USH2A: variants seen among roughly 807,000 people sequenced by gnomAD.
USH2A encodes usherin, also known as Usher syndrome 2A (autosomal recessive, mild).
A neutral mutation model predicts 538.9 loss-of-function variants in USH2A; 443 were observed. That is an observed-to-expected ratio of 0.82 (90% CI 0.76 to 0.89). USH2A has a LOEUF of 0.89. Among genes scored for constraint, USH2A ranks in the 40% least tolerant of loss-of-function variants. The pLI is 0.00. For missense variants in USH2A, 6,633 were observed against 6,324.8 expected (o/e 1.05, Z -1.65); for synonymous variants, 2,413 against 2,273.5 (o/e 1.06, Z -1.75).
intron 49 of USH2A, among the ~76,000 whole-genome samples, chr1:215,801,251 A>G (rs112167269): frequency 0.03 from 4,531 of 152,164 alleles, 85 homozygotes; most frequent in African/African-American, 0.04. Context: ...ACCCTTTGCC[A>G]CTTGTATTCT....
chr1:216,217,033 C>T (rs1239776164), intron 15 of USH2A, among the ~76,000 whole-genome samples: 2 of 151,882 alleles, frequency 1.3e-5, no homozygotes, highest in African/African-American at 4.8e-5. Context: ...GTGTCGGTGA[C>T]CAACTGTTTT....
intron 65 of USH2A, among the ~76,000 whole-genome samples, 193 bp from the exon 66 acceptor site, chr1:215,648,959 A>C (rs117190656): frequency 6.6e-6 from 1 of 152,332 alleles, no homozygotes; most frequent in East Asian, 1.9e-4. Context: ...AAATAGGTGA[A>C]AAATCTGATA....
At chr1:216,163,959 T>G (rs888432052) in intron 21 of USH2A, among the ~76,000 whole-genome samples, 25 of 152,256 alleles carry the variant, frequency 1.6e-4, no homozygotes, top group Non-Finnish European at 3.1e-4. Context: ...TTTTGAGAAA[T>G]TTTTTCCAGC....
intron 35 of USH2A, among the ~76,000 whole-genome samples, chr1:215,986,310 C>CTTTT (rs34962559): frequency 2.3e-5 from 3 of 131,426 alleles, no homozygotes; most frequent in Non-Finnish European, 3.2e-5. Flanking sequence ...TTTTCTTTTT[C>CTTTT]TTTTTTTTTT....
chr1:216,385,934 T>G (rs2102739385), intron 3 of USH2A, among the ~76,000 whole-genome samples: 1 of 152,316 alleles, frequency 6.6e-6, no homozygotes, highest in South Asian at 2.1e-4. Flanking sequence ...GGTTAAATTT[T>G]TTATAATCCA....
intron 4 of USH2A, among the ~76,000 whole-genome samples, chr1:216,335,874 C>A (rs546634566): frequency 9.9e-5 from 15 of 151,524 alleles, no homozygotes; most frequent in Admixed American, 2.0e-4. Context: ...CATTACTTCA[C>A]AAGCCCTTCC....
At chr1:216,085,696 A>C (rs1424833269) in intron 24 of USH2A, among the ~76,000 whole-genome samples, 1 of 151,368 alleles carries the variant, frequency 6.6e-6, no homozygotes, top group African/African-American at 2.4e-5. Context: ...CCAGAAGGGC[A>C]AAAAACAAAG....
intron 16 of USH2A, chr1:216,201,822 G>A (rs576274016): frequency 3.7e-5 from 8 of 217,604 alleles, no homozygotes; most frequent in Non-Finnish European, 7.3e-5. Flanking sequence ...ACCAGAGGTC[G>A]CCTGGTTTTA....
intron 44 of USH2A, among the ~76,000 whole-genome samples, chr1:215,863,963 A>AT (rs1278460567): frequency 6.6e-6 from 1 of 151,992 alleles, no homozygotes; most frequent in Non-Finnish European, 1.5e-5. Flanking sequence ...TATTTTGATG[A>AT]TTTTTCATTT....
intron 21 of USH2A, among the ~76,000 whole-genome samples, chr1:216,107,686 C>CT (rs34087316): frequency 0.38 from 54,397 of 142,486 alleles, 11,246 homozygotes; most frequent in East Asian, 0.77. Context: ...CTTTCTTCTT[C>CT]TTTTTTTTTT....
intron 35 of USH2A, among the ~76,000 whole-genome samples, chr1:215,977,890 C>A (rs573676369): frequency 6.6e-6 from 1 of 152,262 alleles, no homozygotes; most frequent in African/African-American, 2.4e-5. Flanking sequence ...TTTTGAGAAG[C>A]CAAGGCAAGT....
chr1:216,128,260 TA>T (rs1456165170), intron 21 of USH2A, among the ~76,000 whole-genome samples: 1 of 152,150 alleles, frequency 6.6e-6, no homozygotes, highest in Non-Finnish European at 1.5e-5. Context: ...TATTTGCTAC[TA>T]AAAACAATGT....
At chr1:215,994,385 GATT>G (rs1354501927) in intron 34 of USH2A, among the ~76,000 whole-genome samples, 5 of 151,890 alleles carry the variant, frequency 3.3e-5, no homozygotes, top group Non-Finnish European at 5.9e-5. Flanking sequence ...CTGATTTTTA[GATT>G]TTTTTTTTAA....
chr1:216,033,615 A>G (rs1410102489), intron 32 of USH2A, among the ~76,000 whole-genome samples: 1 of 152,148 alleles, frequency 6.6e-6, no homozygotes, highest in African/African-American at 2.4e-5. Context: ...GGATTTTAAG[A>G]CTGGATGTGC....
At chr1:215,663,362 T>A (rs1571939911) in intron 64 of USH2A, among the ~76,000 whole-genome samples, 1 of 152,158 alleles carries the variant, frequency 6.6e-6, no homozygotes, top group East Asian at 1.9e-4. Flanking sequence ...ATGAGAAAGG[T>A]GAAGTTATCA....
intron 21 of USH2A, among the ~76,000 whole-genome samples, chr1:216,120,721 G>A (rs2033119985): frequency 6.6e-6 from 1 of 151,854 alleles, no homozygotes; most frequent in Admixed American, 6.6e-5. Context: ...GCATGGTGGC[G>A]GGCACCTGTA....
At chr1:216,124,126 G>T (rs9728510) in intron 21 of USH2A, among the ~76,000 whole-genome samples, 53,526 of 151,946 alleles carry the variant, frequency 0.35, 10,371 homozygotes, top group East Asian at 0.73. Context: ...ACCTTTTGTC[G>T]CTTTAGCAGC....
At chr1:216,086,077 A>G (rs2032123540) in intron 24 of USH2A, among the ~76,000 whole-genome samples, 1 of 152,034 alleles carries the variant, frequency 6.6e-6, no homozygotes, top group African/African-American at 2.4e-5. Context: ...ATTGCGTTTG[A>G]AGGGTGATTT....
chr1:216,233,667 C>A (rs1208389432), intron 13 of USH2A, among the ~76,000 whole-genome samples: 1 of 152,008 alleles, frequency 6.6e-6, no homozygotes, highest in Non-Finnish European at 1.5e-5. Flanking sequence ...TTTAGCTTAC[C>A]TCTAAAACTC....
Sources: allele counts gnomAD v4.1 joint callset (sites outside exome capture counted in the v4.1 genomes callset), GRCh38; gene constraint gnomAD v4.1.1; transcripts MANE v1.5; gene names NCBI Gene and HGNC (gene_info 2026-07-23, HGNC 2026-07-21).